Variants in ZFP90 observed in about 807,000 individuals in gnomAD.
ZFP90 encodes the protein zinc finger protein 90 homolog.
Under a neutral mutation model 60.8 loss-of-function variants are expected in ZFP90, and 38 were observed. That is an observed-to-expected ratio of 0.62 (90% CI 0.48 to 0.82). The LOEUF (loss-of-function observed/expected upper bound fraction) is 0.82, where lower values mean the gene tolerates loss of function less well. Ranked by LOEUF, ZFP90 falls within the 40% of genes least tolerant of loss-of-function variation. The probability of loss-of-function intolerance (pLI) is 0.00; values close to 1 mark genes in which losing one functional copy is unlikely to be tolerated. For synonymous variants in ZFP90, 287 were observed against 264.8 expected (o/e 1.08, Z -0.82); for missense variants, 711 against 759.1 (o/e 0.94, Z 0.74).
At chr16:68,561,688 C>T (rs992710679) in intron 4 of ZFP90, among the ~76,000 whole-genome samples, 12 of 151,110 alleles carry the variant, frequency 7.9e-5, no homozygotes, top group African/African-American at 2.5e-4. Flanking sequence ...CTTGACTGAT[C>T]AGTAAGAAAT....
At chr16:68,551,987 C>T (rs946355994) in intron 2 of ZFP90, among the ~76,000 whole-genome samples, 7 of 150,552 alleles carry the variant, frequency 4.6e-5, no homozygotes, top group Admixed American at 2.7e-4. Context: ...GTCTCGATCT[C>T]CTGATCTCGT....
At position 68,541,407 on chromosome 16, in the gene ZFP90, G is replaced by T. The variant is rs567546339; in HGVS notation, c.33+1582G>T. Among the ~76,000 whole-genome samples the T allele has an allele frequency of 2.6e-5, 4 of 151,642 alleles. No individual in the cohort carries two copies. In the East Asian group the frequency reaches 7.8e-4, roughly 30 times the overall value. ...ATTTGAATTCCTAAGCTCAAGTGATGTGCTCGCTTCAGCCTCCCAAAGTGT... is the reference window on the plus strand; with the variant it reads ...ATTTGAATTCCTAAGCTCAAGTGATTTGCTCGCTTCAGCCTCCCAAAGTGT... On this transcript the variant is annotated intron_variant, in intron 2 of 4. Transcript: ENST00000563169.
upstream of ZFP90, chr16:68,539,195 AG>A (rs34466442): frequency 1.3e-5 from 2 of 152,334 alleles, no homozygotes; most frequent in Non-Finnish European, 2.9e-5. Flanking sequence ...GAAGCCGCCT[AG>A]GCGGGGCCTG....
intron 2 of ZFP90, among the ~76,000 whole-genome samples, chr16:68,550,726 G>T (rs544328485): frequency 6.6e-6 from 1 of 152,336 alleles, no homozygotes; most frequent in African/African-American, 2.4e-5. Context: ...TGTGGCCAGT[G>T]GCTGCCATAT....
At position 68,572,972 on chromosome 16, in the gene ZFP90, C is replaced by T. The variant is rs192179592; in HGVS notation, c.224-2819C>T. ...ATCCCTGGGAAGGAAAGGATAGGAC[C>T]ACTCCATCTGTTTTCCTTGACATCA... On this transcript the variant is annotated intron_variant, in intron 2 of 2. Transcript: ENST00000573113. Among the ~76,000 whole-genome samples the T allele has an allele frequency of 3.9e-5, 6 of 152,292 alleles. No individual in the cohort carries two copies. The East Asian group carries it at 7.7e-4, about 20-fold the overall frequency.
At chr16:68,542,314 G>A (rs2152055694) in intron 2 of ZFP90, among the ~76,000 whole-genome samples, 1 of 152,270 alleles carries the variant, frequency 6.6e-6, no homozygotes, top group Admixed American at 6.5e-5. Flanking sequence ...GTCTAAGCAG[G>A]TGAAAACAAA....
At chr16:68,576,283 A>C (rs1411035415), downstream of ZFP90, among the ~76,000 whole-genome samples, 1 of 152,134 alleles carries the variant, frequency 6.6e-6, no homozygotes, top group African/African-American at 2.4e-5. Context: ...TCTTTATTTG[A>C]CCTGACTCAG....
Position 68,564,598 on chromosome 16 carries a change from C to G in ZFP90, c.1811C>G (p.Thr604Ser). 2 of 1,614,048 alleles carry G rather than the reference C, an allele frequency of 1.2e-6. No homozygotes were observed. Among genetic ancestry groups the G allele is most frequent in the Non-Finnish European group, 1.7e-6 (2 of 1,179,992 alleles). ...TNLHDHQRIH[T>S]GEKPYSCKEC... ...CTGCATGATCATCAGAGAATTCATA[C>G]TGGAGAAAAACCCTATTCTTGTAAG... is the stretch of plus-strand genomic sequence containing the variant. Residue 604 changes from threonine to serine, a missense_variant, in exon 5 of 5, where the codon ACT becomes AGT. Physicochemically the swap from Thr to Ser is moderately conservative, Grantham distance 58 (BLOSUM62 1). Transcript: ENST00000563169.
rs1280776858 is a variant in ZFP90, at chr16:68,539,684, G to GGAGGTGGGGCGGGGCGGGGC, written c.-35-72_-35-53dup. 43 of 1,216,016 alleles carry GGAGGTGGGGCGGGGCGGGGC rather than the reference G, an allele frequency of 3.5e-5. No homozygotes were observed. In the African/African-American group the frequency reaches 5.6e-4, roughly 16 times the overall value. The allele number at this position is 1,216,016 out of a possible 1,614,324, so 75.3% of individuals were successfully genotyped here. On this transcript the variant is annotated intron_variant, in intron 1 of 4. Transcript: ENST00000563169. Reference sequence around the variant, plus strand: ...TCCCCTGGAGATGTGGTTTAGGGGCGGAGGTGGGGCGGGGCGGGGCGGGGT... The same window carrying GGAGGTGGGGCGGGGCGGGGC: ...TCCCCTGGAGATGTGGTTTAGGGGCGGAGGTGGGGCGGGGCGGGGCGAGGTGGGGCGGGGCGGGGCGGGGT...
At chr16:68,574,302 A>G in intron 2 of ZFP90, 1 of 151,458 alleles carries the variant, frequency 6.6e-6, no homozygotes, top group East Asian at 1.9e-4. Context: ...GTCATAAAGA[A>G]CAGAGATGCA....
chr16:68,536,867 T>TA (rs1398532794), upstream of ZFP90, among the ~76,000 whole-genome samples: 1 of 152,190 alleles, frequency 6.6e-6, no homozygotes, highest in Non-Finnish European at 1.5e-5. Flanking sequence ...CCACTGCTGT[T>TA]ACTAAGCCAA....
In ZFP90 at chr16:68,539,811, A is replaced by AC. The variant is rs888769515; in HGVS notation, c.21dup (p.Ala8ArgfsTer41). On this transcript the variant is annotated frameshift_variant, in exon 2 of 5. Transcript: ENST00000563169. LOFTEE classifies it high-confidence loss of function. ...GGCAGGAATGGCCCCGAGGCCTCCG[A>AC]CCGCCGCGCCCCAGGTGAGCAACGC... The AC allele has an allele frequency of 2.5e-6, 4 of 1,604,816 alleles. No individual in the cohort carries two copies. The highest frequency in any genetic ancestry group is 3.4e-6 in the Non-Finnish European group (4 of 1,177,308).
At chr16:68,574,871 C>T (rs1425885932) in intron 2 of ZFP90, among the ~76,000 whole-genome samples, 2 of 130,772 alleles carry the variant, frequency 1.5e-5, no homozygotes, top group African/African-American at 5.9e-5. Context: ...TTGCAGTGAG[C>T]AGAGATTGTG....
chr16:68,554,111 TTG>T, intron 2 of ZFP90, among the ~76,000 whole-genome samples: 2 of 107,394 alleles, frequency 1.9e-5, no homozygotes, highest in South Asian at 5.8e-4. Context: ...GGTTTATGGG[TTG>T]TGTTTTGTTT....
Position 68,539,473 on chromosome 16 carries a change from A to C in ZFP90, c.-42A>C. The C allele has an allele frequency of 2.5e-6, 1 of 405,292 alleles. No individual in the cohort carries two copies. Among genetic ancestry groups the C allele is most frequent in the Non-Finnish European group, 4.4e-6 (1 of 228,072 alleles). 25.1% of individuals were successfully genotyped at this position (405,292 alleles called of 1,614,324 possible). A position where few individuals can be genotyped will look rare whatever the true frequency, so the allele number is the denominator to read the frequency against. On this transcript the variant is annotated 5_prime_UTR_variant, in exon 1 of 5. Transcript: ENST00000563169. ...AATCCGGAGCCCCCCAGAGGCGGTG[A>C]TTCTGAGTGCGCGGGTCTGGGCGGG...
rs1360806667 is a variant in ZFP90 at position 68,565,417 on chromosome 16, TTAAAAG to T, written c.*722_*727del. 1.7e-5 allele frequency: 17 copies of T among 985,492 alleles called. No homozygotes were observed. Among genetic ancestry groups the T allele is most frequent in the Non-Finnish European group, 2.0e-5 (17 of 829,946 alleles). The allele number at this position is 985,492 out of a possible 1,614,324, so 61.0% of individuals were successfully genotyped here. ...TATGGGTTGGACACTTTGAGAATTC[TTAAAAG>T]TATAAGTGGGAGCAAAATGTATGCA... On this transcript the variant is annotated 3_prime_UTR_variant, in exon 5 of 5. Transcript: ENST00000563169.
At chr16:68,538,981 CAT>C (rs1410955846), upstream of ZFP90, among the ~76,000 whole-genome samples, 3 of 152,220 alleles carry the variant, frequency 2.0e-5, no homozygotes, top group East Asian at 5.8e-4. Context: ...ATCTTGTTGA[CAT>C]GTTTGCGTTT....
At chr16:68,571,842 G>A (rs72785106), downstream of ZFP90, among the ~76,000 whole-genome samples, 781 of 152,204 alleles carry the variant, frequency 5.1e-3, 11 homozygotes, top group African/African-American at 0.017. Flanking sequence ...CAGGCAGAGC[G>A]TTGCCACTTG....
At chr16:68,550,887 G>C (rs552056601) in intron 2 of ZFP90, among the ~76,000 whole-genome samples, 2 of 152,208 alleles carry the variant, frequency 1.3e-5, no homozygotes, top group South Asian at 2.1e-4. Context: ...AAGGAAAAAT[G>C]AAGAGTCAAG....
Sources: allele counts gnomAD v4.1 joint callset (sites outside exome capture counted in the v4.1 genomes callset), GRCh38; gene constraint gnomAD v4.1.1; transcripts MANE v1.5; gene names NCBI Gene and HGNC (gene_info 2026-07-23, HGNC 2026-07-21).